Variants in TMEM233 observed in about 807,000 individuals in gnomAD.
TMEM233 encodes the protein transmembrane protein 233.
Under a neutral mutation model 11.2 loss-of-function variants are expected in TMEM233, and 6 were observed. That is an observed-to-expected ratio of 0.54 (90% CI 0.29 to 1.06). TMEM233 has a LOEUF of 1.06. Ranked by LOEUF, TMEM233 falls within the 50% of genes least tolerant of loss-of-function variation. The pLI, the probability that TMEM233 is intolerant of heterozygous loss-of-function variation, is 0.08. For synonymous variants in TMEM233, 59 were observed against 55.8 expected (o/e 1.06, Z -0.26); for missense variants, 127 against 144.7 (o/e 0.88, Z 0.63).
At chr12:119,617,715 C>A (rs542275945) in intron 1 of TMEM233, among the ~76,000 whole-genome samples, 10 of 152,182 alleles carry the variant, frequency 6.6e-5, no homozygotes, top group Middle Eastern at 3.4e-3. Context: ...TGCCTGTAAT[C>A]CCAGCTACTC....
At chr12:119,605,969 A>C (rs1393632762) in intron 1 of TMEM233, among the ~76,000 whole-genome samples, 1 of 152,216 alleles carries the variant, frequency 6.6e-6, no homozygotes, top group East Asian at 1.9e-4. Context: ...GCATGAATGA[A>C]TTAACGGTGC....
At chr12:119,607,549 T>G (rs1242308284) in intron 1 of TMEM233, among the ~76,000 whole-genome samples, 1 of 152,202 alleles carries the variant, frequency 6.6e-6, no homozygotes, top group Non-Finnish European at 1.5e-5. Flanking sequence ...ATGAGCATTT[T>G]TCTAAAGATA....
Position 119,642,688 on chromosome 12 carries a change from G to T in TMEM233, c.*1983G>T, listed in dbSNP as rs898543663. On this transcript the variant is annotated 3_prime_UTR_variant, in exon 3 of 3. Transcript: ENST00000426426. ...AATGCCTGCCTACTTACCTCACAGT[G>T]CTGTTATGAGAATTAATTGTTGTAA... 2.0e-5 allele frequency: 3 copies of T among 152,088 alleles called. No individual in the cohort carries two copies. The highest frequency in any genetic ancestry group is 4.4e-5 in the Non-Finnish European group (3 of 68,038). 9.4% of individuals were successfully genotyped at this position (152,088 alleles called of 1,614,324 possible). A position where few individuals can be genotyped will look rare whatever the true frequency, so the allele number is the denominator to read the frequency against.
intron 1 of TMEM233, among the ~76,000 whole-genome samples, chr12:119,615,039 T>G (rs1239234271): frequency 6.6e-6 from 1 of 151,528 alleles, no homozygotes; most frequent in African/African-American, 2.4e-5. Context: ...GGGGGGAACC[T>G]TCAATAAAAA....
At chr12:119,609,850 A>G (rs1270768083) in intron 1 of TMEM233, among the ~76,000 whole-genome samples, 1 of 152,246 alleles carries the variant, frequency 6.6e-6, no homozygotes, top group Non-Finnish European at 1.5e-5. Context: ...CTGCTAGGGC[A>G]GTGTGGAAGG....
Position 119,598,644 on chromosome 12 carries a change from C to T in TMEM233, c.186+4610C>T, listed in dbSNP as rs142904174. 2.8e-3 allele frequency among the ~76,000 whole-genome samples: 419 copies of T among 152,298 alleles called. 1 individual carries two copies. The highest frequency in any genetic ancestry group is 9.7e-3 in the African/African-American group (403 of 41,560). ...ATGCCTTCAAGGGGAATGGTGCAACCCCTAGTCGAGATTCTCAAGCACACC... is the reference window on the plus strand; with the variant it reads ...ATGCCTTCAAGGGGAATGGTGCAACTCCTAGTCGAGATTCTCAAGCACACC... On this transcript the variant is annotated intron_variant, in intron 1 of 2. Transcript: ENST00000426426.
At chr12:119,615,252 T>C (rs1344690959) in intron 1 of TMEM233, among the ~76,000 whole-genome samples, 1 of 151,434 alleles carries the variant, frequency 6.6e-6, no homozygotes, top group East Asian at 1.9e-4. Flanking sequence ...TATTCTGTAT[T>C]CATCTTATTT....
At chr12:119,608,141 T>C (rs1207295383) in intron 1 of TMEM233, among the ~76,000 whole-genome samples, 1 of 152,184 alleles carries the variant, frequency 6.6e-6, no homozygotes, top group African/African-American at 2.4e-5. Context: ...AGTGGGGTTT[T>C]TTAGCCTGCA....
intron 2 of TMEM233, among the ~76,000 whole-genome samples, chr12:119,632,710 C>T (rs960195849): frequency 2.0e-5 from 3 of 152,118 alleles, no homozygotes; most frequent in African/African-American, 7.2e-5. Context: ...TCATGGGGCT[C>T]ATTTTTCAAG....
At chr12:119,613,210 T>C (rs1954443621) in intron 1 of TMEM233, among the ~76,000 whole-genome samples, 1 of 90,544 alleles carries the variant, frequency 1.1e-5, no homozygotes, top group Admixed American at 1.2e-4. Flanking sequence ...AAGAAGCCTG[T>C]TCCAAAAAAA....
chr12:119,644,065 AG>A (rs1432198772), downstream of TMEM233, among the ~76,000 whole-genome samples: 32 of 152,168 alleles, frequency 2.1e-4, no homozygotes, highest in South Asian at 4.1e-4. Flanking sequence ...TAATAGCTCC[AG>A]GGGGGAAAAA....
chr12:119,609,881 C>A (rs1026371186), intron 1 of TMEM233, among the ~76,000 whole-genome samples: 9 of 152,216 alleles, frequency 5.9e-5, no homozygotes, highest in Non-Finnish European at 1.0e-4. Flanking sequence ...GTCAGAGCCC[C>A]CCACAGAGTC....
intron 2 of TMEM233, chr12:119,634,305 T>C: frequency 1.0e-6 from 1 of 983,704 alleles, no homozygotes; most frequent in Non-Finnish European, 1.2e-6. Flanking sequence ...TTTCTGAAAG[T>C]ATTCATTCCA....
the TMEM233 span, among the ~76,000 whole-genome samples, chr12:119,648,252 C>T: frequency 6.6e-6 from 1 of 152,086 alleles, no homozygotes; most frequent in African/African-American, 2.4e-5. Flanking sequence ...TAACTGTTTA[C>T]TTATTTATTA....
chr12:119,598,807 G>A (rs1954099084), intron 1 of TMEM233, among the ~76,000 whole-genome samples: 2 of 152,148 alleles, frequency 1.3e-5, no homozygotes, highest in Non-Finnish European at 2.9e-5. Flanking sequence ...TTTCCACCTT[G>A]TAAATGGGGG....
chr12:119,646,230 T>C (rs1955150886), downstream of TMEM233, among the ~76,000 whole-genome samples: 1 of 152,084 alleles, frequency 6.6e-6, no homozygotes, highest in Admixed American at 6.5e-5. Flanking sequence ...GCTAATTTTT[T>C]GTATTTTTAG....
intron 1 of TMEM233, among the ~76,000 whole-genome samples, chr12:119,598,920 ATGT>A (rs1353666564): frequency 6.6e-6 from 1 of 152,202 alleles, no homozygotes; most frequent in Non-Finnish European, 1.5e-5. Flanking sequence ...ATAAGTATTG[ATGT>A]TGATGATGGT....
intron 1 of TMEM233, among the ~76,000 whole-genome samples, chr12:119,629,210 G>A (rs1954826208): frequency 6.6e-6 from 1 of 152,182 alleles, no homozygotes; most frequent in Admixed American, 6.5e-5. Flanking sequence ...AGGAGTTTGA[G>A]ACCAGCCTGG....
rs146166381 is a variant in TMEM233, at chr12:119,626,493, A to G, written c.187-3243A>G. Among the ~76,000 whole-genome samples, 143 of 75,606 alleles carry G rather than the reference A, an allele frequency of 1.9e-3. 13 individuals are homozygous for G. The highest frequency in any genetic ancestry group is 0.013 in the Admixed American group (112 of 8,566). 49.6% of individuals were successfully genotyped at this position (75,606 alleles called of 152,430 possible). A position where few individuals can be genotyped will look rare whatever the true frequency, so the allele number is the denominator to read the frequency against. ...TCCGGAAAAAAAAAAAAAAGAAGAA[A>G]AAGGAGGAGGAGGAGGAGGAGGAGG... On this transcript the variant is annotated intron_variant, in intron 1 of 2. Transcript: ENST00000426426.
Sources: allele counts gnomAD v4.1 joint callset (sites outside exome capture counted in the v4.1 genomes callset), GRCh38; gene constraint gnomAD v4.1.1; transcripts MANE v1.5; gene names NCBI Gene and HGNC (gene_info 2026-07-23, HGNC 2026-07-21).